Variants in PCBP3 observed in about 807,000 individuals in gnomAD.
The protein encoded by PCBP3 is poly(rC)-binding protein 3.
PCBP3 carries 25 observed loss-of-function variants against 52.7 expected under a neutral mutation model. The ratio of observed to expected loss-of-function variants is 0.47; its 90% CI spans 0.35 to 0.66. The LOEUF is 0.66. PCBP3 is among the 30% of genes least tolerant of loss of function. The pLI, the probability that PCBP3 is intolerant of heterozygous loss-of-function variation, is 0.01. For missense variants in PCBP3, 391 were observed against 490.3 expected (o/e 0.80, Z 1.91); for synonymous variants, 162 against 183.0 (o/e 0.89, Z 0.93).
intron 4 of PCBP3, among the ~76,000 whole-genome samples, chr21:45,832,404 C>T (rs2093473708): frequency 6.6e-6 from 1 of 152,174 alleles, no homozygotes; most frequent in East Asian, 1.9e-4. Flanking sequence ...ACTTAGAATG[C>T]TTAACCATCT....
intron 5 of PCBP3, among the ~76,000 whole-genome samples, chr21:45,865,276 C>T (rs758296945): frequency 6.6e-6 from 1 of 152,124 alleles, no homozygotes; most frequent in Non-Finnish European, 1.5e-5. Flanking sequence ...AGGGAGATGC[C>T]GCTGTAATGA....
At chr21:45,822,746 C>T (rs1661499861) in intron 4 of PCBP3, among the ~76,000 whole-genome samples, 1 of 151,658 alleles carries the variant, frequency 6.6e-6, no homozygotes, top group Admixed American at 6.6e-5. Flanking sequence ...ACAGGACACA[C>T]CCATCTTGGT....
intron 4 of PCBP3, among the ~76,000 whole-genome samples, chr21:45,844,501 C>T (rs1335596605): frequency 1.3e-5 from 2 of 152,212 alleles, no homozygotes; most frequent in East Asian, 1.9e-4. Context: ...TAGAATTCAG[C>T]GTGGCTGGAG....
intron 1 of PCBP3, among the ~76,000 whole-genome samples, chr21:45,644,581 A>C (rs749962093): frequency 1.1e-4 from 17 of 152,166 alleles, no homozygotes; most frequent in Admixed American, 2.0e-4. Flanking sequence ...TGGCATAAGA[A>C]ATTTGAAAGT....
At chr21:45,804,339 C>T (rs1484868794) in intron 4 of PCBP3, among the ~76,000 whole-genome samples, 1 of 152,110 alleles carries the variant, frequency 6.6e-6, no homozygotes, top group Non-Finnish European at 1.5e-5. Context: ...AAATGTTTTG[C>T]CTCCTAGTGC....
At chr21:45,751,402 C>T (rs1329699668) in intron 3 of PCBP3, 1 of 152,170 alleles carries the variant, frequency 6.6e-6, no homozygotes, top group African/African-American at 2.4e-5. Context: ...GCATTTATTA[C>T]ATTCACAGTG....
At chr21:45,687,177 G>C (rs1336779876) in intron 2 of PCBP3, among the ~76,000 whole-genome samples, 2 of 152,084 alleles carry the variant, frequency 1.3e-5, no homozygotes, top group Middle Eastern at 3.2e-3. Context: ...GAAAAAAACA[G>C]TGGACCCACA....
At chr21:45,716,142 A>G (rs575290976) in intron 2 of PCBP3, among the ~76,000 whole-genome samples, 1 of 152,266 alleles carries the variant, frequency 6.6e-6, no homozygotes, top group South Asian at 2.1e-4. Context: ...TAATTTTCGT[A>G]TATAGTATGA....
In PCBP3 at chr21:45,674,621, T is replaced by C. The variant is rs556553653; in HGVS notation, c.-200+5669T>C. Reference sequence around the variant, plus strand: ...GTAGGTTATGTTGCTTACTAAAAAATTGATAAACTTGAGGTAGCCATACTT... The same window carrying C: ...GTAGGTTATGTTGCTTACTAAAAAACTGATAAACTTGAGGTAGCCATACTT... On this transcript the variant is annotated intron_variant, in intron 2 of 17. Coordinates refer to ENST00000681687, the MANE Select transcript of PCBP3 (RefSeq NM_001384156.1). Among the ~76,000 whole-genome samples the C allele has an allele frequency of 3.3e-5, 5 of 152,304 alleles. No individual in the cohort carries two copies. The South Asian group carries it at 1.0e-3, about 32-fold the overall frequency.
chr21:45,847,641 A>T (rs1478052833), intron 4 of PCBP3, among the ~76,000 whole-genome samples: 1 of 152,216 alleles, frequency 6.6e-6, no homozygotes, highest in Non-Finnish European at 1.5e-5. Context: ...TTATGAAAAT[A>T]ATTGCTCCAC....
intron 1 of PCBP3, among the ~76,000 whole-genome samples, chr21:45,659,221 AGGTT>A (rs2080219910): frequency 1.3e-5 from 2 of 151,098 alleles, no homozygotes; most frequent in East Asian, 3.9e-4. Flanking sequence ...GTAGAACGTT[AGGTT>A]ATTGATTTGA....
intron 1 of PCBP3, among the ~76,000 whole-genome samples, chr21:45,662,282 T>G (rs942219941): frequency 2.8e-5 from 1 of 35,390 alleles, no homozygotes; most frequent in Non-Finnish European, 6.8e-5. Flanking sequence ...TTTTTTTTTT[T>G]TTTTTTTTTT....
intron 4 of PCBP3, among the ~76,000 whole-genome samples, chr21:45,824,821 T>C (rs1007777984): frequency 6.6e-6 from 1 of 152,208 alleles, no homozygotes; most frequent in Non-Finnish European, 1.5e-5. Flanking sequence ...ATAGATGGCC[T>C]GCATCTGGCG....
chr21:45,916,887 G>C (rs1303331956), intron 12 of PCBP3: 1 of 152,322 alleles, frequency 6.6e-6, no homozygotes, highest in African/African-American at 2.4e-5. Context: ...TGTGGGGCAG[G>C]TGGGGCCTCT....
At chr21:45,778,824 TG>T (rs1382548588) in intron 4 of PCBP3, among the ~76,000 whole-genome samples, 1 of 152,098 alleles carries the variant, frequency 6.6e-6, no homozygotes, top group Non-Finnish European at 1.5e-5. Flanking sequence ...CAGCTTTGGT[TG>T]GCAGGGGTGG....
Position 45,929,803 on chromosome 21 carries a change from G to T in PCBP3, c.718-114G>T. On this transcript the variant is annotated intron_variant, in intron 13 of 17. Transcript: ENST00000681687. ...GTTCTCTTGCATCTGCCATGTGTCC[G>T]CATGGCCCTCTTTCTATCTATCTGT... 3 of 769,976 alleles carry T rather than the reference G, an allele frequency of 3.9e-6. No homozygotes were observed. The Admixed American group carries it at 5.7e-5, about 15-fold the overall frequency. The allele number at this position is 769,976 out of a possible 1,614,324, so 47.7% of individuals were successfully genotyped here.
intron 1 of PCBP3, among the ~76,000 whole-genome samples, 156 bp from the exon 2 acceptor site, chr21:45,668,718 T>C (rs2080967171): frequency 6.6e-6 from 1 of 152,212 alleles, no homozygotes; most frequent in African/African-American, 2.4e-5. Flanking sequence ...AAAAGTTGAT[T>C]TGGCCAATTT....
chr21:45,811,066 A>AT (rs113265660), intron 4 of PCBP3, among the ~76,000 whole-genome samples: 1,854 of 151,696 alleles, frequency 0.012, 58 homozygotes, highest in African/African-American at 0.042. Context: ...GTGTTTTTCC[A>AT]TTTTTTTGTA....
chr21:45,826,914 G>A (rs1045195103), intron 4 of PCBP3, among the ~76,000 whole-genome samples: 5 of 152,138 alleles, frequency 3.3e-5, no homozygotes, highest in South Asian at 4.1e-4. Context: ...CCCGAGTCAG[G>A]AAAGGCCAAG....
Sources: allele counts gnomAD v4.1 joint callset (sites outside exome capture counted in the v4.1 genomes callset), GRCh38; gene constraint gnomAD v4.1.1; transcripts MANE v1.5; gene names NCBI Gene and HGNC (gene_info 2026-07-23, HGNC 2026-07-21).